Variants in DSCAM observed in about 807,000 individuals in gnomAD.
DSCAM encodes DS cell adhesion molecule.
A neutral mutation model predicts 217.7 loss-of-function variants in DSCAM; 47 were observed. The observed-to-expected ratio is 0.22, with a 90% confidence interval of 0.17 to 0.28. The LOEUF is 0.28. Among genes scored for constraint, DSCAM ranks in the 10% least tolerant of loss-of-function variants. DSCAM has a pLI of 1.00. For missense variants in DSCAM, 2,080 were observed against 2,618.3 expected (o/e 0.79, Z 4.49); for synonymous variants, 1,056 against 1,015.3 (o/e 1.04, Z -0.76).
chr21:40,400,891 C>G (rs1278630533), intron 3 of DSCAM, among the ~76,000 whole-genome samples: 1 of 152,190 alleles, frequency 6.6e-6, no homozygotes, highest in African/African-American at 2.4e-5. Context: ...CAAATGTTGA[C>G]AGGTTTCAAT....
chr21:40,129,607 C>A (rs761899174), intron 19 of DSCAM, among the ~76,000 whole-genome samples: 4 of 152,182 alleles, frequency 2.6e-5, no homozygotes, highest in Non-Finnish European at 5.9e-5. Context: ...ATGGTAGAAT[C>A]TCTTCTAGGA....
chr21:40,030,112 G>A (rs2088491354), intron 32 of DSCAM, among the ~76,000 whole-genome samples: 1 of 152,176 alleles, frequency 6.6e-6, no homozygotes, highest in African/African-American at 2.4e-5. Context: ...ATGCTCCCAT[G>A]CATGGATACA....
At position 40,735,722 on chromosome 21, in the gene DSCAM, T is replaced by C. The variant is rs143313863; in HGVS notation, c.44-26951A>G. 9.8e-3 allele frequency among the ~76,000 whole-genome samples: 1,490 copies of C among 152,338 alleles called. 24 individuals are homozygous for C. Among genetic ancestry groups the C allele is most frequent in the African/African-American group, 0.034 (1,430 of 41,578 alleles). On this transcript the variant is annotated intron_variant, in intron 1 of 32. Transcript: ENST00000400454. ...TCACAAAGGCCACATGGCTAGAAAG[T>C]GACAGAGTCATGATTCAAACCCAAA... is the stretch of plus-strand genomic sequence containing the variant.
chr21:40,601,767 C>G (rs2077063682), intron 3 of DSCAM, among the ~76,000 whole-genome samples: 1 of 152,116 alleles, frequency 6.6e-6, no homozygotes, highest in Non-Finnish European at 1.5e-5. Context: ...TTGTTATGAT[C>G]ATATGATTTT....
At chr21:40,129,849 C>T (rs890171581) in intron 19 of DSCAM, among the ~76,000 whole-genome samples, 1 of 152,174 alleles carries the variant, frequency 6.6e-6, no homozygotes, top group Non-Finnish European at 1.5e-5. Context: ...ACACTATCCA[C>T]ACCTTCACAA....
rs562168182 is a variant in DSCAM, at chr21:40,772,050, G to A, written c.44-63279C>T. ...CTGATAACTTCAAAGTCAGGTGGAC[G>A]GGAATTGACACAGAATTTTCATAAT... On this transcript the variant is annotated intron_variant, in intron 1 of 32. Transcript: ENST00000400454. Among the ~76,000 whole-genome samples the A allele has an allele frequency of 3.3e-5, 5 of 151,996 alleles. No individual in the cohort carries two copies. The South Asian group carries it at 8.4e-4, about 25-fold the overall frequency.
rs1327548084 is a variant in DSCAM, at chr21:40,589,901, T to C, written c.508+102909A>G. On this transcript the variant is annotated intron_variant, in intron 3 of 32. Coordinates refer to ENST00000400454, the MANE Select transcript of DSCAM (RefSeq NM_001389.5). Reference sequence around the variant, plus strand: ...AGCCAAAAATTATGTACAAATGAACTGGCTCACTTTTTTTAATCTGTCACT... The same window carrying C: ...AGCCAAAAATTATGTACAAATGAACCGGCTCACTTTTTTTAATCTGTCACT... Among the ~76,000 whole-genome samples the C allele has an allele frequency of 3.2e-4, 48 of 152,220 alleles. 1 individual carries two copies. The highest frequency in any genetic ancestry group is 3.1e-3 in the Admixed American group (48 of 15,286).
intron 1 of DSCAM, among the ~76,000 whole-genome samples, chr21:40,731,746 C>G (rs1289238781): frequency 7.0e-6 from 1 of 142,528 alleles, no homozygotes; most frequent in African/African-American, 2.6e-5. Context: ...CCCCGCCCCC[C>G]GGGTGAGAGT....
chr21:40,532,377 T>C (rs2076454029), intron 3 of DSCAM, among the ~76,000 whole-genome samples: 1 of 152,168 alleles, frequency 6.6e-6, no homozygotes, highest in African/African-American at 2.4e-5. Context: ...CAGAATCACT[T>C]CAAGTCTAGG....
At position 40,358,616 on chromosome 21, in the gene DSCAM, G is replaced by A. The variant is rs150459177; in HGVS notation, c.656-4873C>T. ...GAGGTGAAGAGTTCAAGACGAGCCTGGCCAACATGGTGGAACCCCGTCTCT... is the reference window on the plus strand; with the variant it reads ...GAGGTGAAGAGTTCAAGACGAGCCTAGCCAACATGGTGGAACCCCGTCTCT... On this transcript the variant is annotated intron_variant, in intron 4 of 32. Transcript: ENST00000400454. Among the ~76,000 whole-genome samples, 463 of 152,174 alleles carry A rather than the reference G, an allele frequency of 3.0e-3. 1 individual carries two copies. The highest frequency in any genetic ancestry group is 0.011 in the African/African-American group (444 of 41,528).
At chr21:40,179,520 C>A (rs960202378) in intron 14 of DSCAM, among the ~76,000 whole-genome samples, 1 of 152,002 alleles carries the variant, frequency 6.6e-6, no homozygotes, top group African/African-American at 2.4e-5. Flanking sequence ...TACCCCTGGG[C>A]CCCCCCAAAA....
intron 3 of DSCAM, among the ~76,000 whole-genome samples, chr21:40,483,932 G>A (rs569824007): frequency 2.0e-4 from 31 of 152,260 alleles, no homozygotes; most frequent in African/African-American, 6.3e-4. Context: ...TCCTTACCAA[G>A]GCTGAGGAAG....
chr21:40,604,186 A>G (rs1462106541), intron 3 of DSCAM, among the ~76,000 whole-genome samples: 1 of 151,788 alleles, frequency 6.6e-6, no homozygotes, highest in Non-Finnish European at 1.5e-5. Flanking sequence ...CTTCAAGCTC[A>G]TTGATTCTTT....
intron 11 of DSCAM, among the ~76,000 whole-genome samples, chr21:40,239,325 AAAT>A (rs1368333818): frequency 6.6e-6 from 1 of 152,194 alleles, no homozygotes; most frequent in Non-Finnish European, 1.5e-5. Flanking sequence ...TAGGAAAAGG[AAAT>A]AATAACCTAT....
Position 40,012,346 on chromosome 21 carries a change from A to G in DSCAM, c.*688T>C, listed in dbSNP as rs998461198. 2.6e-5 allele frequency: 4 copies of G among 152,216 alleles called. No homozygotes were observed. In the East Asian group the frequency reaches 5.8e-4, roughly 22 times the overall value. 9.4% of individuals were successfully genotyped at this position (152,216 alleles called of 1,614,324 possible). A position where few individuals can be genotyped will look rare whatever the true frequency, so the allele number is the denominator to read the frequency against. ...CTCTGGGTTCAGGCCTGGTGTTTCCAAACAGAAGTGTCAATGGGAAGGAGG... is the reference window on the plus strand; with the variant it reads ...CTCTGGGTTCAGGCCTGGTGTTTCCGAACAGAAGTGTCAATGGGAAGGAGG... On this transcript the variant is annotated 3_prime_UTR_variant, in exon 33 of 33. Coordinates refer to ENST00000400454, the MANE Select transcript of DSCAM (RefSeq NM_001389.5).
chr21:40,762,233 AAG>A (rs1188721634), intron 1 of DSCAM, among the ~76,000 whole-genome samples: 1 of 152,148 alleles, frequency 6.6e-6, no homozygotes, highest in South Asian at 2.1e-4. Context: ...TAAAGAAGAA[AAG>A]AGAGGAGAAT....
chr21:40,284,441 AG>A (rs1399446079), intron 10 of DSCAM, among the ~76,000 whole-genome samples: 1 of 152,256 alleles, frequency 6.6e-6, no homozygotes, highest in Non-Finnish European at 1.5e-5. Context: ...CCTAAATTGC[AG>A]GGCTTGAAAG....
chr21:40,740,715 C>T (rs1469261220), intron 1 of DSCAM, among the ~76,000 whole-genome samples: 1 of 152,124 alleles, frequency 6.6e-6, no homozygotes, highest in African/African-American at 2.4e-5. Context: ...GTGGTAGACA[C>T]ACTGGGGCTG....
chr21:40,558,434 C>A (rs557178165), intron 3 of DSCAM, among the ~76,000 whole-genome samples: 2 of 144,512 alleles, frequency 1.4e-5, no homozygotes, highest in Non-Finnish European at 3.0e-5. Flanking sequence ...GGCGACAGAG[C>A]AAGACTCCAT....
Sources: gnomAD v4.1 joint callset for allele counts (sites outside exome capture counted in the v4.1 genomes callset) on GRCh38, gnomAD v4.1.1 for gene constraint, MANE v1.5 for transcripts, NCBI Gene and HGNC (gene_info 2026-07-23, HGNC 2026-07-21) for gene names.